Variants in FDXR observed in about 807,000 individuals in gnomAD.
The protein encoded by FDXR is NADPH:adrenodoxin oxidoreductase, mitochondrial.
In FDXR, 38 loss-of-function variants were observed where a neutral mutation model predicts 58.3. The observed-to-expected ratio is 0.65, with a 90% CI of 0.50 to 0.85. The LOEUF (loss-of-function observed/expected upper bound fraction) is 0.85, where lower values mean the gene tolerates loss of function less well. Ranked by LOEUF, FDXR falls within the 40% of genes least tolerant of loss-of-function variation. The pLI, the probability that FDXR is intolerant of heterozygous loss-of-function variation, is 0.00. For missense variants in FDXR, 624 were observed against 671.0 expected (o/e 0.93, Z 0.77); for synonymous variants, 275 against 273.8 (o/e 1.00, Z -0.04).
chr17:74,867,354 A>G (rs12600808), intron 2 of FDXR, among the ~76,000 whole-genome samples: 123,571 of 149,206 alleles, frequency 0.83, 51,777 homozygotes, highest in African/African-American at 0.94. Flanking sequence ...GCCGGCCCTC[A>G]GAGATGGGGA....
intron 2 of FDXR, chr17:74,868,575 C>T (rs188998902): frequency 4.8e-5 from 73 of 1,535,462 alleles, no homozygotes; most frequent in East Asian, 3.9e-4. Context: ...TTCTTTCCTG[C>T]GACAGATCCT....
chr17:74,863,829 C>T, intron 10 of FDXR, 67 bp downstream of exon 10: 2 of 1,554,340 alleles, frequency 1.3e-6, no homozygotes, highest in Non-Finnish European at 8.7e-7. Context: ...AACGCATGGC[C>T]CCAGGAGATA....
In FDXR at chr17:74,862,852, C is replaced by G; in HGVS notation, c.1441G>C (p.Asp481His). Residue 481 changes from aspartate (D) to histidine (H), a missense_variant, in exon 12 of 12, where the codon GAT becomes CAT. By Grantham distance (81) the Asp-to-His change is moderately conservative (BLOSUM62 -1). Coordinates refer to ENST00000293195, the MANE Select transcript of FDXR (RefSeq NM_024417.5). ...AGGAGGCGCAGCATCTCCTGAGGATCCACCAGCTTCTCCCTGGGCTTCCCC... is the reference window on the plus strand; with the variant it reads ...AGGAGGCGCAGCATCTCCTGAGGATGCACCAGCTTCTCCCTGGGCTTCCCC... ...GTGKPREKLV[D>H]PQEMLRLLGH 1 of 1,612,876 alleles carries G rather than the reference C, an allele frequency of 6.2e-7. No homozygotes were observed. Among genetic ancestry groups the G allele is most frequent in the Non-Finnish European group, 8.5e-7 (1 of 1,179,990 alleles).
intron 10 of FDXR, 73 bp downstream of exon 10, chr17:74,863,823 C>T: frequency 5.9e-6 from 9 of 1,532,210 alleles, no homozygotes; most frequent in Non-Finnish European, 7.1e-6. Flanking sequence ...TGAATGAACG[C>T]ATGGCCCCAG....
rs1239020517 is a variant in FDXR, at chr17:74,872,987, T to C, written c.-43A>G. On this transcript the variant is annotated 5_prime_UTR_variant, in exon 1 of 12. Coordinates refer to ENST00000293195, the MANE Select transcript of FDXR (RefSeq NM_024417.5). ...TGCAAGTGGATCTGTTCCTAGCTAC[T>C]GCTCCGCAGGGCAAGCCCGCTCCTG... The C allele has an allele frequency of 1.2e-5, 18 of 1,523,174 alleles. No homozygotes were observed. The highest frequency in any genetic ancestry group is 1.6e-5 in the Non-Finnish European group (18 of 1,127,784). 94.4% of individuals were successfully genotyped at this position (1,523,174 alleles called of 1,614,324 possible). A position where few individuals can be genotyped will look rare whatever the true frequency, so the allele number is the denominator to read the frequency against.
chr17:74,866,951 C>T (rs1172534716), intron 2 of FDXR, 75 bp from the exon 3 acceptor site: 6 of 1,565,170 alleles, frequency 3.8e-6, no homozygotes, highest in African/African-American at 1.4e-5. Context: ...TCCCCTTCCC[C>T]AGACAGAGCA....
intron 3 of FDXR, 78 bp downstream of exon 3, chr17:74,866,706 C>A: frequency 1.3e-6 from 2 of 1,588,552 alleles, no homozygotes; most frequent in South Asian, 1.1e-5. Flanking sequence ...GTCCTGTCAT[C>A]CAGCCAGGGA....
intron 7 of FDXR, 69 bp downstream of exon 7, chr17:74,864,755 C>G: frequency 1.2e-6 from 2 of 1,600,888 alleles, no homozygotes; most frequent in Non-Finnish European, 1.7e-6. Context: ...GGCTCTGCCC[C>G]ACCCCAACCC....
At position 74,863,978 on chromosome 17, in the gene FDXR, G is replaced by A. The variant is rs33991203; in HGVS notation, c.1092C>T (p.Ser364=). 2.0e-3 allele frequency: 3,167 copies of A among 1,614,060 alleles called. 47 individuals are homozygous for A. The African/African-American group carries it at 0.035, about 18-fold the overall frequency. The part of the protein sequence containing the change: ...GLVLSSIGYK[S]RPVDPSVPFD... Reference sequence around the variant, plus strand: ...AGGGCACGCTTGGGTCGACAGGGCGGCTCTTATACCCAATGCTGCTGAGCA... The same window carrying A: ...AGGGCACGCTTGGGTCGACAGGGCGACTCTTATACCCAATGCTGCTGAGCA... Residue 364 remains serine (S), a synonymous_variant, in exon 10 of 12, where the codon AGC becomes AGT. Coordinates refer to ENST00000293195, the MANE Select transcript of FDXR (RefSeq NM_024417.5).
chr17:74,868,876 C>T, intron 2 of FDXR: 1 of 815,466 alleles, frequency 1.2e-6, no homozygotes, highest in Non-Finnish European at 1.8e-6. Context: ...CCAGACATCT[C>T]CCCAAGCTCC....
chr17:74,865,052 T>C (rs2038126405), intron 6 of FDXR, 121 bp from the exon 7 acceptor site: 3 of 1,399,448 alleles, frequency 2.1e-6, no homozygotes, highest in African/African-American at 1.4e-5. Flanking sequence ...GCGCCACTGC[T>C]CCCCCCTGGT....
chr17:74,872,071 G>T lies in FDXR; in HGVS notation c.142C>A (p.Pro48Thr). The change falls in exon 2 of 12, where the codon CCA (proline) becomes ACA (threonine). Residue 48 changes from proline (P) to threonine (T), a missense_variant. Transcript: ENST00000293195. ...TGTTGGGCCGTGTAGAAGCCAGCTGGGCCACTGCCCACCACACAGATCTGG... is the reference window on the plus strand; with the variant it reads ...TGTTGGGCCGTGTAGAAGCCAGCTGTGCCACTGCCCACCACACAGATCTGG... Reference protein sequence around the residue: ...TPQICVVGSGPAGFYTAQHLL... With the variant: ...TPQICVVGSGTAGFYTAQHLL... 6.2e-7 allele frequency: 1 copy of T among 1,604,336 alleles called. No individual in the cohort carries two copies. Among genetic ancestry groups the T allele is most frequent in the Non-Finnish European group, 8.5e-7 (1 of 1,175,044 alleles).
At chr17:74,872,331 A>T in intron 1 of FDXR, 198 bp from the exon 2 acceptor site, 1 of 1,473,814 alleles carries the variant, frequency 6.8e-7, no homozygotes, top group Non-Finnish European at 9.2e-7. Flanking sequence ...GGGTTCATCC[A>T]GAGCCCACAT....
At chr17:74,866,393 C>T (rs1196299839) in intron 4 of FDXR, 53 bp downstream of exon 4, 66 of 1,602,128 alleles carry the variant, frequency 4.1e-5, no homozygotes, top group East Asian at 6.8e-5. Context: ...CCCGAGCCAC[C>T]GGCCTCCTTC....
intron 2 of FDXR, chr17:74,868,440 G>A: frequency 1.3e-6 from 1 of 744,790 alleles, no homozygotes; most frequent in Non-Finnish European, 2.4e-6. Context: ...TTACTATTCT[G>A]TTGTTGTATG....
chr17:74,865,868 G>T, intron 5 of FDXR, 48 bp from the exon 6 acceptor site: 1 of 1,441,888 alleles, frequency 6.9e-7, no homozygotes, highest in Non-Finnish European at 9.7e-7. Flanking sequence ...GCTCCACTCA[G>T]TTCATCTCAG....
At position 74,866,150 on chromosome 17, in the gene FDXR, C is replaced by G; in HGVS notation, c.488G>C (p.Gly163Ala). 1 of 1,613,490 alleles carries G rather than the reference C, an allele frequency of 6.2e-7. No homozygotes were observed. Among genetic ancestry groups the G allele is most frequent in the Non-Finnish European group, 8.5e-7 (1 of 1,179,770 alleles). ...ACTCACCTCCTGGTTCTCAGGAAGC[C>G]CGTTGTACCAGCCCACGAAGGCCCG... ...SARAFVGWYN[G>A]LPENQELEPD... Residue 163 changes from glycine to alanine, a missense_variant, in exon 5 of 12, where the codon GGG becomes GCG. By Grantham distance (60) the Gly-to-Ala change is moderately conservative. Coordinates refer to ENST00000293195, the MANE Select transcript of FDXR (RefSeq NM_024417.5).
At chr17:74,868,614 G>A in intron 2 of FDXR, 1 of 1,535,422 alleles carries the variant, frequency 6.5e-7, no homozygotes, top group Non-Finnish European at 8.7e-7. Context: ...TCCTCTCCAG[G>A]GCCACCTCCG....
In FDXR at chr17:74,864,557, C is replaced by G. The variant is rs1223201089; in HGVS notation, c.725G>C (p.Arg242Pro). Reference protein sequence around the residue: ...LQVAFTIKELREMIQLPGARP... With the variant: ...LQVAFTIKELPEMIQLPGARP... ...GGCTCCCGGTAACTGAATCATCTCC[C>G]GAAGCTCCTTGAAGGTGGGAGCAGG... The change falls in exon 8 of 12, where the codon CGG becomes CCG. Residue 242 changes from arginine to proline, a missense_variant. Transcript: ENST00000293195. 6.2e-7 allele frequency: 1 copy of G among 1,613,752 alleles called. No individual in the cohort carries two copies. The highest frequency in any genetic ancestry group is 1.1e-5 in the South Asian group (1 of 91,028).
Sources: allele counts gnomAD v4.1 joint callset (sites outside exome capture counted in the v4.1 genomes callset), GRCh38; gene constraint gnomAD v4.1.1; transcripts MANE v1.5; gene names NCBI Gene and HGNC (gene_info 2026-07-23, HGNC 2026-07-21).